IGF2BP1: variants seen among roughly 807,000 people sequenced by gnomAD.
IGF2BP1 encodes insulin-like growth factor 2 mRNA-binding protein 1.
Under a neutral mutation model 74.9 loss-of-function variants are expected in IGF2BP1, and 11 were observed. That is an observed-to-expected ratio of 0.15 (90% CI 0.09 to 0.24). IGF2BP1 has a LOEUF of 0.24. Ranked by LOEUF, IGF2BP1 falls within the 10% of genes least tolerant of loss-of-function variation. IGF2BP1 has a pLI of 1.00. For missense variants in IGF2BP1, 440 were observed against 757.4 expected (o/e 0.58, Z 4.92); for synonymous variants, 287 against 281.8 (o/e 1.02, Z -0.18).
At position 49,055,063 on chromosome 17, in the gene IGF2BP1, T is replaced by C. The variant is rs1338417026; in HGVS notation, c.*5619T>C. The stretch of plus-strand genomic sequence containing the variant: ...ATTAGGTAGTGGCAGCTCCACTTGC[T>C]TAGGTTAGGGGGGGAAAAAGATTTC... On this transcript the variant is annotated 3_prime_UTR_variant, in exon 15 of 15. Transcript: ENST00000290341. 1 of 150,566 alleles carries C rather than the reference T, an allele frequency of 6.6e-6. No homozygotes were observed. Among genetic ancestry groups the C allele is most frequent in the Non-Finnish European group, 1.5e-5 (1 of 67,642 alleles). 9.3% of individuals were successfully genotyped at this position (150,566 alleles called of 1,614,324 possible). A position where few individuals can be genotyped will look rare whatever the true frequency, so the allele number is the denominator to read the frequency against.
intron 2 of IGF2BP1, among the ~76,000 whole-genome samples, chr17:49,002,937 A>G (rs925677221): frequency 6.6e-6 from 1 of 152,146 alleles, no homozygotes; most frequent in Non-Finnish European, 1.5e-5. Flanking sequence ...GGCAGTGGCA[A>G]CTGACTGTCC....
chr17:49,007,180 G>A (rs1223783536), intron 2 of IGF2BP1, among the ~76,000 whole-genome samples: 1 of 152,150 alleles, frequency 6.6e-6, no homozygotes, highest in South Asian at 2.1e-4. Flanking sequence ...GCTGGGATGG[G>A]TATGTTCATT....
chr17:49,044,267 G>A (rs2042085676), intron 11 of IGF2BP1, among the ~76,000 whole-genome samples, 181 bp downstream of exon 11: 1 of 152,106 alleles, frequency 6.6e-6, no homozygotes. Flanking sequence ...CCATGGGATG[G>A]CTTCAGTGCT....
intron 4 of IGF2BP1, among the ~76,000 whole-genome samples, chr17:49,030,114 C>A (rs192791767): frequency 2.6e-5 from 4 of 151,170 alleles, no homozygotes; most frequent in Admixed American, 2.0e-4. Context: ...ACTTCTACAG[C>A]CATTCCTGTC....
rs1409756676 is a variant in IGF2BP1, at chr17:49,053,741, T to A, written c.*4297T>A. 1 of 152,704 alleles carries A rather than the reference T, an allele frequency of 6.5e-6. No homozygotes were observed. Among genetic ancestry groups the A allele is most frequent in the East Asian group, 1.9e-4 (1 of 5,192 alleles). 9.5% of individuals were successfully genotyped at this position (152,704 alleles called of 1,614,324 possible). The stretch of plus-strand genomic sequence containing the variant: ...CCTCACAGAGCCCCAGAGGGCCTGC[T>A]TGAGCCTTCTTGCTCCACAGGAGAA... On this transcript the variant is annotated 3_prime_UTR_variant, in exon 15 of 15. Coordinates refer to ENST00000290341, the MANE Select transcript of IGF2BP1 (RefSeq NM_006546.4).
intron 4 of IGF2BP1, 134 bp downstream of exon 4, chr17:49,026,651 GCCTT>G (rs1567818933): frequency 5.0e-5 from 30 of 602,724 alleles, no homozygotes; most frequent in Middle Eastern, 4.6e-4. Context: ...CTTCCTGCCT[GCCTT>G]CCTGCCTTCC....
At chr17:49,025,980 C>T (rs1255135947) in intron 3 of IGF2BP1, among the ~76,000 whole-genome samples, 1 of 151,734 alleles carries the variant, frequency 6.6e-6, no homozygotes, top group African/African-American at 2.4e-5. Context: ...CTCAGCCTCC[C>T]AAGTAGCTGG....
At chr17:49,026,899 A>C (rs913713322) in intron 4 of IGF2BP1, among the ~76,000 whole-genome samples, 1 of 152,104 alleles carries the variant, frequency 6.6e-6, no homozygotes, top group South Asian at 2.1e-4. Flanking sequence ...ACGTGCCACC[A>C]TACCCAGCTG....
At chr17:49,019,921 TA>T (rs2041759716) in intron 2 of IGF2BP1, among the ~76,000 whole-genome samples, 2 of 55,570 alleles carry the variant, frequency 3.6e-5, no homozygotes, top group East Asian at 3.4e-4. Context: ...TATATATATA[TA>T]TATATATATA....
intron 2 of IGF2BP1, among the ~76,000 whole-genome samples, chr17:49,024,564 T>C (rs946731243): frequency 6.6e-6 from 1 of 152,150 alleles, no homozygotes; most frequent in African/African-American, 2.4e-5. Flanking sequence ...CTTCAAGTAC[T>C]TACATTTTCT....
chr17:49,012,455 C>T (rs1030658509), intron 2 of IGF2BP1: 2 of 152,196 alleles, frequency 1.3e-5, no homozygotes, highest in East Asian at 3.9e-4. Flanking sequence ...GAATCCTCCC[C>T]ATCTCCAGAA....
At chr17:49,025,731 A>G (rs1379627711) in intron 3 of IGF2BP1, 65 bp downstream of exon 3, 2 of 1,459,314 alleles carry the variant, frequency 1.4e-6, no homozygotes, top group Non-Finnish European at 1.9e-6. Flanking sequence ...CGTCTGGACT[A>G]GCTGGAGTTG....
At chr17:49,027,368 T>G (rs1000748446) in intron 4 of IGF2BP1, among the ~76,000 whole-genome samples, 1 of 152,214 alleles carries the variant, frequency 6.6e-6, no homozygotes, top group African/African-American at 2.4e-5. Flanking sequence ...GCTTCGTGTT[T>G]CTTGCTTTTG....
rs535266209 is a variant in IGF2BP1 at position 49,055,781 on chromosome 17, G to C, written c.*6337G>C. On this transcript the variant is annotated 3_prime_UTR_variant, in exon 15 of 15. Coordinates refer to ENST00000290341, the MANE Select transcript of IGF2BP1 (RefSeq NM_006546.4). ...ACATCACTTACTCAGAAGAGGGAAC[G>C]ATGTATTTTGATGAGTGCAAATTGG... 1 of 382,826 alleles carries C rather than the reference G, an allele frequency of 2.6e-6. No individual in the cohort carries two copies. Among genetic ancestry groups the C allele is most frequent in the East Asian group, 3.7e-5 (1 of 27,152 alleles). The allele number at this position is 382,826 out of a possible 1,614,324, so 23.7% of individuals were successfully genotyped here.
rs2042155062 is a variant in IGF2BP1, at chr17:49,050,484, A to T, written c.*1040A>T. 1 of 152,200 alleles carries T rather than the reference A, an allele frequency of 6.6e-6. No homozygotes were observed. The highest frequency in any genetic ancestry group is 6.5e-5 in the Admixed American group (1 of 15,280). 9.4% of individuals were successfully genotyped at this position (152,200 alleles called of 1,614,324 possible). On this transcript the variant is annotated 3_prime_UTR_variant, in exon 15 of 15. Transcript: ENST00000290341. ...CCCTCACCCCAGCCCATGTGCTCCC[A>T]TAAGGGCTGGTTCCTAGAGGCAGGG...
intron 2 of IGF2BP1, chr17:49,015,031 C>T (rs937102295): frequency 2.7e-5 from 19 of 716,254 alleles, no homozygotes; most frequent in Admixed American, 1.9e-4. Flanking sequence ...AGTGCCTGAG[C>T]GTGTGTCCTG....
chr17:48,999,284 C>A (rs2041454637), intron 2 of IGF2BP1, 115 bp downstream of exon 2: 1 of 672,332 alleles, frequency 1.5e-6, no homozygotes, highest in South Asian at 1.8e-5. Context: ...GTCTTTCCCA[C>A]CCCCAACTCC....
At chr17:49,030,489 A>T (rs1258031625) in intron 4 of IGF2BP1, among the ~76,000 whole-genome samples, 2 of 152,100 alleles carry the variant, frequency 1.3e-5, no homozygotes, top group East Asian at 3.9e-4. Context: ...GTCCTTGAGG[A>T]TACATAGGCC....
At chr17:49,002,283 A>T (rs2041496479) in intron 2 of IGF2BP1, among the ~76,000 whole-genome samples, 1 of 152,180 alleles carries the variant, frequency 6.6e-6, no homozygotes, top group African/African-American at 2.4e-5. Context: ...TAACAGCTTT[A>T]AAAATCTGTG....
Sources: gnomAD v4.1 joint callset for allele counts (sites outside exome capture counted in the v4.1 genomes callset) on GRCh38, gnomAD v4.1.1 for gene constraint, MANE v1.5 for transcripts, NCBI Gene and HGNC (gene_info 2026-07-23, HGNC 2026-07-21) for gene names.